Variants in MDGA2 observed in about 807,000 individuals in gnomAD.
MDGA2 encodes MAM domain containing glycosylphosphatidylinositol anchor 2.
MDGA2 carries 40 observed loss-of-function variants against 117.8 expected under a neutral mutation model. The ratio of observed to expected loss-of-function variants is 0.34; its 90% CI spans 0.26 to 0.44. MDGA2 has a LOEUF of 0.44. Ranked by LOEUF, MDGA2 falls within the 20% of genes least tolerant of loss-of-function variation. MDGA2 has a pLI of 1.00. For missense variants in MDGA2, 1,123 were observed against 1,250.6 expected, an observed-to-expected ratio of 0.90 and a Z score of 1.54; for synonymous variants, 452 against 439.0, an observed-to-expected ratio of 1.03 and a Z score of -0.37.
intron 8 of MDGA2, among the ~76,000 whole-genome samples, chr14:47,013,471 G>A (rs1384111825): frequency 6.6e-6 from 1 of 151,706 alleles, no homozygotes; most frequent in Non-Finnish European, 1.5e-5. Context: ...TTTCTCCACT[G>A]GAATCTTGAA....
intron 1 of MDGA2, among the ~76,000 whole-genome samples, chr14:47,370,186 TTA>T (rs1891314762): frequency 6.6e-6 from 1 of 151,972 alleles, no homozygotes; most frequent in Admixed American, 6.6e-5. Context: ...CTTAATATTA[TTA>T]TGAGTGATAT....
intron 1 of MDGA2, among the ~76,000 whole-genome samples, chr14:47,506,296 G>A (rs1372565119): frequency 1.3e-5 from 2 of 152,026 alleles, no homozygotes; most frequent in Non-Finnish European, 2.9e-5. Flanking sequence ...TAAAAAAACA[G>A]CTAATTTTCC....
intron 1 of MDGA2, among the ~76,000 whole-genome samples, chr14:47,630,188 TATAAA>T (rs921499797): frequency 5.1e-4 from 78 of 152,260 alleles, no homozygotes; most frequent in African/African-American, 1.6e-3. Context: ...TTGTTGTACT[TATAAA>T]ATGAACACAT....
At chr14:47,399,652 TAA>T (rs140266693) in intron 1 of MDGA2, among the ~76,000 whole-genome samples, 16,532 of 152,128 alleles carry the variant, frequency 0.11, 1,111 homozygotes, top group Non-Finnish European at 0.13. Context: ...TAAATGCGTA[TAA>T]GAATAAAGTG....
chr14:47,084,018 A>G (rs1163564458), intron 6 of MDGA2, among the ~76,000 whole-genome samples: 1 of 152,164 alleles, frequency 6.6e-6, no homozygotes, highest in Non-Finnish European at 1.5e-5. Context: ...ATAGATGGAA[A>G]AACTACATAA....
chr14:47,396,880 G>T (rs1204614289), intron 1 of MDGA2, among the ~76,000 whole-genome samples: 1 of 152,170 alleles, frequency 6.6e-6, no homozygotes, highest in Non-Finnish European at 1.5e-5. Context: ...CTTTTACACT[G>T]TTGGGAGTGT....
intron 3 of MDGA2, among the ~76,000 whole-genome samples, chr14:47,173,799 A>G (rs934950600): frequency 2.0e-5 from 3 of 152,172 alleles, no homozygotes; most frequent in African/African-American, 7.2e-5. Flanking sequence ...ACACATAACA[A>G]TATTAACTTT....
At chr14:47,416,667 T>G (rs2138497973) in intron 1 of MDGA2, among the ~76,000 whole-genome samples, 2 of 152,216 alleles carry the variant, frequency 1.3e-5, no homozygotes, top group Admixed American at 1.3e-4. Flanking sequence ...GAAATCTAGG[T>G]GGAGGTAGGT....
intron 8 of MDGA2, among the ~76,000 whole-genome samples, chr14:47,019,990 G>C (rs1888229219): frequency 6.6e-6 from 1 of 152,168 alleles, no homozygotes; most frequent in Non-Finnish European, 1.5e-5. Flanking sequence ...GTAATTGGAT[G>C]AATGCAGAAA....
chr14:47,425,619 T>C (rs2138515609), intron 1 of MDGA2, among the ~76,000 whole-genome samples: 1 of 152,300 alleles, frequency 6.6e-6, no homozygotes, highest in Non-Finnish European at 1.5e-5. Context: ...AGGATATTTT[T>C]CACTGAAGTG....
intron 8 of MDGA2, among the ~76,000 whole-genome samples, chr14:47,034,729 TACACAC>T (rs59191576): frequency 0.5 from 73,779 of 146,910 alleles, 18,385 homozygotes; most frequent in East Asian, 0.61. Flanking sequence ...ATAATTATCA[TACACAC>T]ACACACACAC....
intron 1 of MDGA2, among the ~76,000 whole-genome samples, chr14:47,323,447 G>A (rs1000127067): frequency 6.6e-6 from 1 of 151,590 alleles, no homozygotes; most frequent in Non-Finnish European, 1.5e-5. Flanking sequence ...CCAATATGGA[G>A]AAATCCTGTC....
At chr14:47,624,179 C>T (rs1056572518) in intron 1 of MDGA2, among the ~76,000 whole-genome samples, 3 of 152,118 alleles carry the variant, frequency 2.0e-5, no homozygotes, top group Non-Finnish European at 4.4e-5. Context: ...TTTTCTAGGC[C>T]GGGTGCGGTA....
At chr14:47,008,958 T>C (rs2138524081) in intron 8 of MDGA2, among the ~76,000 whole-genome samples, 1 of 152,108 alleles carries the variant, frequency 6.6e-6, no homozygotes, top group Admixed American at 6.6e-5. Flanking sequence ...GATTATCCTT[T>C]CTTTCTATTT....
intron 2 of MDGA2, among the ~76,000 whole-genome samples, chr14:47,279,721 T>C (rs969959054): frequency 6.6e-6 from 1 of 152,038 alleles, no homozygotes; most frequent in African/African-American, 2.4e-5. Context: ...TCTAGATCTC[T>C]TCCAAACAGA....
chr14:47,113,237 CA>C (rs1881142557), intron 5 of MDGA2, among the ~76,000 whole-genome samples: 2 of 152,006 alleles, frequency 1.3e-5, no homozygotes. Flanking sequence ...AATTCTTAGA[CA>C]CATGCACCCT....
At chr14:47,640,914 A>C (rs1186028621) in intron 1 of MDGA2, among the ~76,000 whole-genome samples, 1 of 152,104 alleles carries the variant, frequency 6.6e-6, no homozygotes, top group East Asian at 1.9e-4. Flanking sequence ...GTTCACAGCT[A>C]GTACTATAGA....
intron 1 of MDGA2, among the ~76,000 whole-genome samples, chr14:47,328,410 C>A (rs1018393671): frequency 2.6e-5 from 4 of 152,118 alleles, no homozygotes; most frequent in East Asian, 1.9e-4. Context: ...TATTAAAGAA[C>A]CTATTCTTCT....
chr14:47,319,001 T>A (rs2139868180), intron 1 of MDGA2, among the ~76,000 whole-genome samples: 1 of 152,318 alleles, frequency 6.6e-6, no homozygotes, highest in Admixed American at 6.5e-5. Flanking sequence ...TATGTCATAC[T>A]TTCCTTTAAC....
Sources: allele counts gnomAD v4.1 joint callset (sites outside exome capture counted in the v4.1 genomes callset), GRCh38; gene constraint gnomAD v4.1.1; transcripts MANE v1.5; gene names NCBI Gene and HGNC (gene_info 2026-07-23, HGNC 2026-07-21).